Variants in DIAPH2 observed in about 807,000 individuals in gnomAD.
DIAPH2 encodes the protein diaphanous related formin 2, also known as protein diaphanous homolog 2.
A neutral mutation model predicts 92.7 loss-of-function variants in DIAPH2; 35 were observed. That is an observed-to-expected ratio of 0.38 (90% CI 0.29 to 0.50). The LOEUF is 0.50. Among genes scored for constraint, DIAPH2 ranks in the 20% least tolerant of loss-of-function variants. DIAPH2 has a pLI of 0.94. For synonymous variants in DIAPH2, 301 were observed against 280.4 expected (o/e 1.07, Z -0.73); for missense variants, 701 against 819.5 (o/e 0.86, Z 1.77).
chrX:96,840,154 C>A (rs1215937956), intron 4 of DIAPH2, among the ~76,000 whole-genome samples: 1 of 112,101 alleles, frequency 8.9e-6, no homozygotes, highest in African/African-American at 3.2e-5. Flanking sequence ...ATTTATAGCA[C>A]ATTTTAATTC....
chrX:97,545,327 C>T (rs184680201), intron 26 of DIAPH2, among the ~76,000 whole-genome samples: 26 of 109,908 alleles, frequency 2.4e-4, no homozygotes, highest in African/African-American at 7.3e-4. Flanking sequence ...TATCTTGTCT[C>T]CACCATCCAC....
chrX:97,314,655 T>A (rs1247947127), intron 23 of DIAPH2, among the ~76,000 whole-genome samples: 1 of 112,014 alleles, frequency 8.9e-6, no homozygotes, highest in Non-Finnish European at 1.9e-5. Context: ...CTCTTTGATA[T>A]ATATCTTTCT....
rs181097237 is a variant in DIAPH2 at position 97,174,335 on chromosome X, G to T, written c.2719+32541G>T. ...TGAAAAAAGTCAGAAGACGTAGCAA[G>T]AATGTAAAGTTTTGAAATTAAGTCT... On this transcript the variant is annotated intron_variant, in intron 22 of 26. Coordinates refer to ENST00000324765, the MANE Select transcript of DIAPH2 (RefSeq NM_006729.5). Among the ~76,000 whole-genome samples, 4 of 110,785 alleles carry T rather than the reference G, an allele frequency of 3.6e-5. No homozygotes were observed. In the East Asian group the frequency reaches 1.1e-3, roughly 31 times the overall value.
At chrX:97,002,040 G>T (rs1031786854) in intron 17 of DIAPH2, among the ~76,000 whole-genome samples, 2 of 110,457 alleles carry the variant, frequency 1.8e-5, no homozygotes, top group African/African-American at 6.6e-5. Context: ...GACAAATACT[G>T]TCTTGATAAT....
chrX:97,424,410 C>T (rs781040696), intron 25 of DIAPH2, among the ~76,000 whole-genome samples: 3 of 110,681 alleles, frequency 2.7e-5, no homozygotes, highest in Non-Finnish European at 5.7e-5. Context: ...TCCAAAGGAC[C>T]GCGGTACATA....
chrX:96,868,053 C>T (rs1163410015), intron 4 of DIAPH2, among the ~76,000 whole-genome samples: 2 of 111,862 alleles, frequency 1.8e-5, no homozygotes, highest in African/African-American at 6.5e-5. Context: ...TACTACAGTG[C>T]GGGCACTTTT....
chrX:97,284,042 G>A (rs1164036348), intron 23 of DIAPH2, among the ~76,000 whole-genome samples: 1 of 112,475 alleles, frequency 8.9e-6, no homozygotes, highest in African/African-American at 3.2e-5. Context: ...TGGAGTCTAA[G>A]AGGCCCTTGC....
intron 24 of DIAPH2, 142 bp downstream of exon 24, chrX:97,348,422 C>A (rs1048493771): frequency 5.8e-5 from 30 of 512,926 alleles, no homozygotes; most frequent in South Asian, 2.3e-4. Context: ...TATTTTATAC[C>A]TGTGACATGG....
intron 26 of DIAPH2, among the ~76,000 whole-genome samples, chrX:97,585,542 G>A (rs775497339): frequency 7.8e-5 from 8 of 103,009 alleles, no homozygotes; most frequent in Non-Finnish European, 1.6e-4. Context: ...ATTGGCCACT[G>A]TTGAGGGGGA....
chrX:96,743,397 A>T (rs1434643291), intron 3 of DIAPH2, among the ~76,000 whole-genome samples: 1 of 110,924 alleles, frequency 9.0e-6, no homozygotes, highest in Non-Finnish European at 1.9e-5. Flanking sequence ...TTTTAAAGGA[A>T]CCTTCATACT....
At chrX:96,888,527 CTA>C (rs1159659549) in intron 5 of DIAPH2, among the ~76,000 whole-genome samples, 2 of 98,239 alleles carry the variant, frequency 2.0e-5, no homozygotes, top group Admixed American at 1.2e-4. Context: ...ATACATATAT[CTA>C]TATATATACA....
At chrX:97,258,850 G>C (rs1379949740) in intron 23 of DIAPH2, among the ~76,000 whole-genome samples, 1 of 78,581 alleles carries the variant, frequency 1.3e-5, no homozygotes, top group African/African-American at 5.4e-5. Context: ...CAGCCTGGGC[G>C]ACAGAGCGAG....
At chrX:97,001,480 TA>T (rs1158256648) in intron 17 of DIAPH2, among the ~76,000 whole-genome samples, 2 of 110,523 alleles carry the variant, frequency 1.8e-5, no homozygotes, top group Non-Finnish European at 1.9e-5. Flanking sequence ...CTGTCTCTAC[TA>T]AAAATGCAAA....
At chrX:97,390,028 T>C (rs918446907) in intron 25 of DIAPH2, among the ~76,000 whole-genome samples, 2 of 110,262 alleles carry the variant, frequency 1.8e-5, no homozygotes, top group Non-Finnish European at 3.8e-5. Context: ...AGTTGTTATC[T>C]ACACAGCAGT....
At chrX:97,214,340 G>A (rs1418500591) in intron 22 of DIAPH2, among the ~76,000 whole-genome samples, 1 of 110,916 alleles carries the variant, frequency 9.0e-6, no homozygotes, top group Non-Finnish European at 1.9e-5. Context: ...ATGGTGGCAC[G>A]CACCTCTACT....
At chrX:97,053,353 T>C (rs2147895813) in intron 17 of DIAPH2, among the ~76,000 whole-genome samples, 1 of 111,786 alleles carries the variant, frequency 8.9e-6, no homozygotes, top group Admixed American at 9.5e-5. Flanking sequence ...TTTTTTTAAA[T>C]ATTCATCATG....
rs1049126426 is a variant in DIAPH2, at chrX:97,174,494, T to C, written c.2719+32700T>C. 1.2e-4 allele frequency among the ~76,000 whole-genome samples: 13 copies of C among 111,993 alleles called. No individual in the cohort carries two copies. In the East Asian group the frequency reaches 1.4e-3, roughly 12 times the overall value. On this transcript the variant is annotated intron_variant, in intron 22 of 26. Transcript: ENST00000324765. ...ATGACTTTATTATGTGAAAGGGTAC[T>C]AACCATAGTAGAGGGTTACATTAAT...
intron 17 of DIAPH2, among the ~76,000 whole-genome samples, chrX:97,055,868 G>A (rs7876278): frequency 0.015 from 1,652 of 111,188 alleles, 40 homozygotes; most frequent in African/African-American, 0.051. Context: ...TTCCTATATC[G>A]ATGTATATAC....
intron 26 of DIAPH2, chrX:97,449,736 G>T (rs2070343055): frequency 5.9e-6 from 4 of 677,499 alleles, no homozygotes; most frequent in Admixed American, 8.6e-5. Context: ...GACAAAGAGT[G>T]GGGGGAACCA....
Sources: gnomAD v4.1 joint callset for allele counts (sites outside exome capture counted in the v4.1 genomes callset) on GRCh38, gnomAD v4.1.1 for gene constraint, MANE v1.5 for transcripts, NCBI Gene and HGNC (gene_info 2026-07-23, HGNC 2026-07-21) for gene names.